The following FRMD4B variants were observed in gnomAD, a reference collection of about 807,000 sequenced individuals.
FRMD4B encodes the protein FERM domain-containing protein 4B.
In FRMD4B, 74 loss-of-function variants were observed where a neutral mutation model predicts 141.5. That is an observed-to-expected ratio of 0.52 (90% CI 0.43 to 0.63). FRMD4B has a LOEUF of 0.63. FRMD4B is among the 30% of genes least tolerant of loss of function. The probability of loss-of-function intolerance (pLI) is 0.00; values close to 1 mark genes in which losing one functional copy is unlikely to be tolerated. For synonymous variants in FRMD4B, 506 were observed against 467.9 expected, an observed-to-expected ratio of 1.08 and a Z score of -1.05; for missense variants, 1,366 against 1,253.4, an observed-to-expected ratio of 1.09 and a Z score of -1.36.
intron 1 of FRMD4B, among the ~76,000 whole-genome samples, chr3:69,315,509 G>A (rs549484712): frequency 2.6e-5 from 4 of 152,282 alleles, no homozygotes; most frequent in South Asian, 2.1e-4. Flanking sequence ...GTGTTTATCC[G>A]TGTATGTGTG....
At chr3:69,204,240 C>A (rs2092999670) in intron 11 of FRMD4B, among the ~76,000 whole-genome samples, 1 of 152,080 alleles carries the variant, frequency 6.6e-6, no homozygotes, top group African/African-American at 2.4e-5. Flanking sequence ...TTCCCAGGGG[C>A]ATGAAAGACC....
Position 69,193,860 on chromosome 3 carries a change from T to C in FRMD4B, c.1502A>G (p.Gln501Arg), listed in dbSNP as rs139114304. The change falls in exon 17 of 23, where the codon CAA becomes CGA. Residue 501 changes from glutamine (Q) to arginine (R), a missense_variant. By Grantham distance (43) the Gln-to-Arg change is conservative. Coordinates refer to ENST00000398540, the MANE Select transcript of FRMD4B (RefSeq NM_015123.3). ...LLPSEEDPAL[Q>R]ELESNFLIQQ... ...TATTAGAAAATTACTCTCCAGTTCT[T>C]GCAAAGCAGGATCCTGCATTTATAC... 630 of 1,606,712 alleles carry C rather than the reference T, an allele frequency of 3.9e-4. 6 individuals carry two copies. The African/African-American group carries it at 7.2e-3, about 18-fold the overall frequency.
chr3:69,499,537 G>T (rs1706458401), intron 1 of FRMD4B, among the ~76,000 whole-genome samples: 2 of 152,170 alleles, frequency 1.3e-5, no homozygotes, highest in Admixed American at 1.3e-4. Context: ...CAGCTTCTAG[G>T]TTTATGACCG....
chr3:69,183,866 T>A (rs2092736936), intron 19 of FRMD4B, among the ~76,000 whole-genome samples: 1 of 152,118 alleles, frequency 6.6e-6, no homozygotes, highest in South Asian at 2.1e-4. Context: ...AGGAAAACTT[T>A]AAAAATACAG....
intron 1 of FRMD4B, among the ~76,000 whole-genome samples, chr3:69,482,646 C>T (rs1295894113): frequency 1.3e-5 from 2 of 152,210 alleles, no homozygotes; most frequent in Non-Finnish European, 2.9e-5. Context: ...ATGCCAATTT[C>T]CTTTTAACTG....
At chr3:69,174,595 G>C (rs546608741) in intron 22 of FRMD4B, among the ~76,000 whole-genome samples, 1 of 152,190 alleles carries the variant, frequency 6.6e-6, no homozygotes, top group Admixed American at 6.5e-5. Flanking sequence ...TCTTTAAATA[G>C]CTTCTAATTT....
intron 1 of FRMD4B, among the ~76,000 whole-genome samples, chr3:69,318,610 C>G (rs1277968570): frequency 2.0e-5 from 3 of 152,204 alleles, no homozygotes; most frequent in Non-Finnish European, 4.4e-5. Flanking sequence ...AAAGATGGCT[C>G]TGCTGATAGG....
At chr3:69,267,632 TATATAGAG>T (rs2093572641) in intron 5 of FRMD4B, among the ~76,000 whole-genome samples, 7 of 10,602 alleles carry the variant, frequency 6.6e-4, no homozygotes, top group African/African-American at 2.3e-3. Context: ...TATATATATA[TATATAGAG>T]AGAGAGAGAG....
At chr3:69,410,720 TAA>T (rs1257718531) in intron 2 of FRMD4B, among the ~76,000 whole-genome samples, 45 of 61,348 alleles carry the variant, frequency 7.3e-4, no homozygotes, top group Admixed American at 2.7e-3. Flanking sequence ...AATAAATAAA[TAA>T]ATAAATATAT....
chr3:69,314,951 G>A (rs543491076), intron 1 of FRMD4B, among the ~76,000 whole-genome samples: 2 of 152,298 alleles, frequency 1.3e-5, no homozygotes, highest in South Asian at 2.1e-4. Context: ...ATCAGTTGAG[G>A]CCAGGAGTTC....
chr3:69,408,767 G>C (rs1704701374), intron 2 of FRMD4B, among the ~76,000 whole-genome samples: 1 of 152,072 alleles, frequency 6.6e-6, no homozygotes, highest in Admixed American at 6.5e-5. Flanking sequence ...AGCCACCTTA[G>C]AGCAGGGATG....
intron 2 of FRMD4B, among the ~76,000 whole-genome samples, chr3:69,403,318 A>G (rs1049760236): frequency 6.6e-6 from 1 of 152,236 alleles, no homozygotes; most frequent in African/African-American, 2.4e-5. Flanking sequence ...AATGTTCTCA[A>G]CAACTCAGAA....
chr3:69,364,350 G>A (rs1703572657), intron 1 of FRMD4B, among the ~76,000 whole-genome samples: 1 of 152,182 alleles, frequency 6.6e-6, no homozygotes. Flanking sequence ...TGGTGGCCAC[G>A]GCAGGAAGCA....
chr3:69,180,970 T>G lies in FRMD4B; in HGVS notation c.2780A>C (p.Gln927Pro). Residue 927 changes from glutamine (Q) to proline (P), a missense_variant, in exon 21 of 23, where the codon CAG (glutamine) becomes CCG (proline). By Grantham distance (76) the Gln-to-Pro change is moderately conservative. Coordinates refer to ENST00000398540, the MANE Select transcript of FRMD4B (RefSeq NM_015123.3). ...QTSFDSDRGS[Q>P]RCLGFAGLQV... ...CAGCCCCGCAAACCCCAGGCATCTCTGTGATCCCCTGTCTGAGTCAAAGCT... is the reference window on the plus strand; with the variant it reads ...CAGCCCCGCAAACCCCAGGCATCTCGGTGATCCCCTGTCTGAGTCAAAGCT... 6.2e-7 allele frequency: 1 copy of G among 1,613,974 alleles called. No homozygotes were observed. The highest frequency in any genetic ancestry group is 1.3e-5 in the African/African-American group (1 of 75,056).
At chr3:69,519,408 C>T (rs550815717) in intron 1 of FRMD4B, among the ~76,000 whole-genome samples, 5 of 151,968 alleles carry the variant, frequency 3.3e-5, no homozygotes, top group Admixed American at 6.6e-5. Context: ...GTGTGTGTGG[C>T]GGGAGCTGGT....
chr3:69,465,319 C>CAAA (rs370690960), intron 1 of FRMD4B, among the ~76,000 whole-genome samples: 3 of 109,092 alleles, frequency 2.7e-5, no homozygotes, highest in African/African-American at 6.4e-5. Flanking sequence ...GGCTCCGTCT[C>CAAA]AAAAAAAAAA....
chr3:69,424,343 G>C (rs1031078734), intron 2 of FRMD4B, among the ~76,000 whole-genome samples: 3 of 152,128 alleles, frequency 2.0e-5, no homozygotes, highest in African/African-American at 7.2e-5. Context: ...ACCCAGGCTG[G>C]AGTGCAGTGG....
chr3:69,357,122 C>G (rs1703346135), intron 1 of FRMD4B, among the ~76,000 whole-genome samples: 1 of 152,114 alleles, frequency 6.6e-6, no homozygotes, highest in African/African-American at 2.4e-5. Context: ...AAAGACGGGA[C>G]AAGGGCATAG....
intron 1 of FRMD4B, among the ~76,000 whole-genome samples, chr3:69,500,314 A>T (rs1025449173): frequency 6.6e-6 from 1 of 152,218 alleles, no homozygotes; most frequent in African/African-American, 2.4e-5. Context: ...CGTCAGCTGC[A>T]CTTGGCAATG....
Sources: gnomAD v4.1 joint callset for allele counts (sites outside exome capture counted in the v4.1 genomes callset) on GRCh38, gnomAD v4.1.1 for gene constraint, MANE v1.5 for transcripts, NCBI Gene and HGNC (gene_info 2026-07-23, HGNC 2026-07-21) for gene names.